SYT9: variants seen among roughly 807,000 people sequenced by gnomAD.
SYT9 encodes the protein synaptotagmin 9, also known as synaptotagmin-9.
In SYT9, 22 loss-of-function variants were observed where a neutral mutation model predicts 48.4. The ratio of observed to expected loss-of-function variants is 0.45; its 90% CI spans 0.32 to 0.65. The LOEUF (loss-of-function observed/expected upper bound fraction) is 0.65, where lower values mean the gene tolerates loss of function less well. Among genes scored for constraint, SYT9 ranks in the 30% least tolerant of loss-of-function variants. The probability of loss-of-function intolerance (pLI) is 0.03; values close to 1 mark genes in which losing one functional copy is unlikely to be tolerated. For missense variants in SYT9, 577 were observed against 622.0 expected, an observed-to-expected ratio of 0.93 and a Z score of 0.77; for synonymous variants, 265 against 245.0, an observed-to-expected ratio of 1.08 and a Z score of -0.76.
chr11:7,297,678 C>T (rs184127247), intron 1 of SYT9, among the ~76,000 whole-genome samples: 1 of 152,130 alleles, frequency 6.6e-6, no homozygotes, highest in Admixed American at 6.5e-5. Flanking sequence ...TGTTTTCTGC[C>T]TCATTTTAAT....
chr11:7,426,190 C>T (rs1275813315), intron 6 of SYT9, among the ~76,000 whole-genome samples: 1 of 152,122 alleles, frequency 6.6e-6, no homozygotes, highest in Non-Finnish European at 1.5e-5. Context: ...AAGGCTACCT[C>T]GTGGCATTGG....
At chr11:7,369,780 C>A (rs1185199970) in intron 3 of SYT9, among the ~76,000 whole-genome samples, 3 of 110,982 alleles carry the variant, frequency 2.7e-5, no homozygotes, top group African/African-American at 1.2e-4. Context: ...ATACACACCA[C>A]ACACACACAC....
intron 3 of SYT9, among the ~76,000 whole-genome samples, chr11:7,378,184 G>A (rs1489395643): frequency 1.3e-5 from 2 of 151,768 alleles, no homozygotes; most frequent in Admixed American, 1.3e-4. Context: ...AGCACACAAA[G>A]AAATGAAAGA....
intron 3 of SYT9, among the ~76,000 whole-genome samples, chr11:7,400,598 T>C (rs1383451575): frequency 3.3e-5 from 5 of 152,100 alleles, no homozygotes; most frequent in Non-Finnish European, 1.5e-5. Context: ...GTGTGATAGG[T>C]TTATTGAAGC....
chr11:7,404,428 T>C (rs544999315), intron 3 of SYT9, among the ~76,000 whole-genome samples: 55 of 152,206 alleles, frequency 3.6e-4, no homozygotes, highest in Non-Finnish European at 6.5e-4. Flanking sequence ...TTTTTAATCA[T>C]TGATTTCGTC....
intron 2 of SYT9, among the ~76,000 whole-genome samples, chr11:7,309,552 T>C (rs897926675): frequency 2.6e-5 from 4 of 152,120 alleles, no homozygotes; most frequent in Admixed American, 6.5e-5. Flanking sequence ...CAAAACCACC[T>C]CCATTAACCA....
chr11:7,360,645 T>C (rs924091532), intron 3 of SYT9, among the ~76,000 whole-genome samples: 3 of 152,188 alleles, frequency 2.0e-5, no homozygotes, highest in Admixed American at 2.0e-4. Context: ...ATGATTTGGC[T>C]CTCATTTCTT....
intron 6 of SYT9, among the ~76,000 whole-genome samples, chr11:7,442,913 T>G (rs1234900718): frequency 6.6e-6 from 1 of 151,814 alleles, no homozygotes; most frequent in Non-Finnish European, 1.5e-5. Context: ...GAGGATTCAG[T>G]GATAAAAACA....
intron 3 of SYT9, among the ~76,000 whole-genome samples, chr11:7,324,060 G>A (rs962995302): frequency 3.3e-5 from 5 of 151,734 alleles, no homozygotes; most frequent in Admixed American, 1.3e-4. Context: ...ATAACTTTCT[G>A]GGTCAGATAT....
chr11:7,394,474 C>G (rs1368420986), intron 3 of SYT9, among the ~76,000 whole-genome samples: 2 of 152,264 alleles, frequency 1.3e-5, no homozygotes, highest in Non-Finnish European at 2.9e-5. Flanking sequence ...TGGGTATATA[C>G]CCAGTAATGG....
chr11:7,255,582 A>G (rs1847953256), intron 1 of SYT9, among the ~76,000 whole-genome samples: 1 of 152,150 alleles, frequency 6.6e-6, no homozygotes, highest in African/African-American at 2.4e-5. Context: ...ATGAGAAGTA[A>G]TTGGATTATG....
chr11:7,343,134 G>A (rs1030001769), intron 3 of SYT9, among the ~76,000 whole-genome samples: 4 of 152,182 alleles, frequency 2.6e-5, no homozygotes, highest in African/African-American at 9.7e-5. Flanking sequence ...TGCTGCAAGG[G>A]TCTCTGACAT....
chr11:7,390,187 A>C (rs1268857938), intron 3 of SYT9, among the ~76,000 whole-genome samples: 1 of 151,844 alleles, frequency 6.6e-6, no homozygotes, highest in African/African-American at 2.4e-5. Flanking sequence ...CCCTGTATCC[A>C]TGTGTTCTCA....
chr11:7,243,897 A>G (rs1374943464), intron 1 of SYT9, among the ~76,000 whole-genome samples: 2 of 152,086 alleles, frequency 1.3e-5, no homozygotes, highest in Admixed American at 6.6e-5. Context: ...GCCCAGGATG[A>G]GAGTCGTCAG....
chr11:7,303,582 T>A (rs1010925295), intron 2 of SYT9, among the ~76,000 whole-genome samples, 192 bp downstream of exon 2: 1 of 152,214 alleles, frequency 6.6e-6, no homozygotes, highest in Non-Finnish European at 1.5e-5. Flanking sequence ...AAAATAATAG[T>A]TAACATCATT....
At chr11:7,412,844 A>G (rs530952653) in intron 3 of SYT9, among the ~76,000 whole-genome samples, 1 of 152,226 alleles carries the variant, frequency 6.6e-6, no homozygotes, top group African/African-American at 2.4e-5. Context: ...GTGAGTGCCA[A>G]TTGTGGTGGT....
intron 3 of SYT9, among the ~76,000 whole-genome samples, chr11:7,382,544 C>T (rs910955656): frequency 1.3e-5 from 2 of 152,022 alleles, no homozygotes; most frequent in East Asian, 3.9e-4. Context: ...CTTATTTGAT[C>T]ACTAAATAAG....
intron 3 of SYT9, among the ~76,000 whole-genome samples, chr11:7,340,481 C>A (rs1307425209): frequency 6.6e-6 from 1 of 152,006 alleles, no homozygotes; most frequent in Non-Finnish European, 1.5e-5. Context: ...TTTCTCATCT[C>A]TGCATGTGGG....
At chr11:7,332,985 G>A (rs988271747) in intron 3 of SYT9, among the ~76,000 whole-genome samples, 5 of 152,180 alleles carry the variant, frequency 3.3e-5, no homozygotes, top group African/African-American at 1.2e-4. Context: ...CTGACAGAAA[G>A]CCTTGTCCCA....
Sources: gnomAD v4.1 joint callset for allele counts (sites outside exome capture counted in the v4.1 genomes callset) on GRCh38, gnomAD v4.1.1 for gene constraint, MANE v1.5 for transcripts, NCBI Gene and HGNC (gene_info 2026-07-23, HGNC 2026-07-21) for gene names.